Variants in NKIRAS1 observed in about 807,000 individuals in gnomAD.
The protein encoded by NKIRAS1 is NFKB inhibitor interacting Ras like 1.
Under a neutral mutation model 19.8 loss-of-function variants are expected in NKIRAS1, and 16 were observed. That is an observed-to-expected ratio of 0.81 (90% confidence interval 0.55 to 1.23). The LOEUF (loss-of-function observed/expected upper bound fraction) is 1.23, where lower values mean the gene tolerates loss of function less well. Ranked by LOEUF, NKIRAS1 falls within the 50% of genes most tolerant of loss-of-function variation. The pLI is 0.00. For synonymous variants in NKIRAS1, 88 were observed against 79.0 expected, an observed-to-expected ratio of 1.11 and a Z score of -0.61; for missense variants, 184 against 220.0, an observed-to-expected ratio of 0.84 and a Z score of 1.04.
At chr3:23,906,175 A>AC (rs1472827578) in intron 3 of NKIRAS1, among the ~76,000 whole-genome samples, 4 of 151,704 alleles carry the variant, frequency 2.6e-5, no homozygotes, top group African/African-American at 4.8e-5. Flanking sequence ...AAAAAAAAAA[A>AC]AAACCAAAGG....
At chr3:23,917,932 G>A, upstream of NKIRAS1, 1 of 1,613,740 alleles carries the variant, frequency 6.2e-7, no homozygotes, top group Non-Finnish European at 8.5e-7. Flanking sequence ...TCTTCTGAGG[G>A]TCCGCTGCTG....
chr3:23,918,399 C>T (rs1704817223), upstream of NKIRAS1: 2 of 1,602,036 alleles, frequency 1.2e-6, no homozygotes, highest in Admixed American at 3.4e-5. Context: ...AGCCTTACGG[C>T]TTCCTATAAA....
intron 3 of NKIRAS1, among the ~76,000 whole-genome samples, chr3:23,908,139 AG>A (rs966889531): frequency 6.6e-6 from 1 of 152,202 alleles, no homozygotes; most frequent in Non-Finnish European, 1.5e-5. Context: ...TATTAACAAA[AG>A]TGATATGGAA....
At position 23,890,801 on chromosome 3, in the gene NKIRAS1, T is replaced by G; in HGVS notation, c.*2294A>C. 2.2e-6 allele frequency: 1 copy of G among 451,766 alleles called. No homozygotes were observed. The highest frequency in any genetic ancestry group is 3.8e-6 in the Non-Finnish European group (1 of 260,714). 28.0% of individuals were successfully genotyped at this position (451,766 alleles called of 1,614,324 possible). On this transcript the variant is annotated 3_prime_UTR_variant, in exon 5 of 5. Transcript: ENST00000425478. ...AGTAGACAGAATTGGTAATAGCAAC[T>G]TTTAAAATTGTCATTAGTTCTGCAA...
At chr3:23,938,920 C>A (rs1705444106) in intron 1 of NKIRAS1, among the ~76,000 whole-genome samples, 1 of 152,184 alleles carries the variant, frequency 6.6e-6, no homozygotes, top group Non-Finnish European at 1.5e-5. Context: ...TGTGGAGAAG[C>A]CCTGTGACTA....
chr3:23,892,314 T>A lies in NKIRAS1; in HGVS notation c.*781A>T, dbSNP rs991495608. 6.6e-6 allele frequency: 1 copy of A among 152,226 alleles called. No individual in the cohort carries two copies. The highest frequency in any genetic ancestry group is 1.5e-5 in the Non-Finnish European group (1 of 68,038). The allele number at this position is 152,226 out of a possible 1,614,324, so 9.4% of individuals were successfully genotyped here. A position where few individuals can be genotyped will look rare whatever the true frequency, so the allele number is the denominator to read the frequency against. On this transcript the variant is annotated 3_prime_UTR_variant, in exon 5 of 5. Coordinates refer to ENST00000425478, the MANE Select transcript of NKIRAS1 (RefSeq NM_020345.4). ...TTTTGATACTTTTATTGTATATGAC[T>A]AGTTTTCTAGAAAACTATTCCAGAA... is the stretch of plus-strand genomic sequence containing the variant.
upstream of NKIRAS1, chr3:23,918,431 T>G: frequency 6.2e-7 from 1 of 1,611,254 alleles, no homozygotes; most frequent in South Asian, 1.1e-5. Flanking sequence ...CGTGTGTGTT[T>G]GTGTGTAGGT....
chr3:23,914,171 TAAAA>T (rs5847260), intron 1 of NKIRAS1, among the ~76,000 whole-genome samples: 3 of 144,716 alleles, frequency 2.1e-5, no homozygotes, highest in Non-Finnish European at 1.5e-5. Flanking sequence ...AACTTGAGGC[TAAAA>T]AAAAAAAAAA....
chr3:23,936,837 C>T (rs182830656), intron 1 of NKIRAS1, among the ~76,000 whole-genome samples: 204 of 152,324 alleles, frequency 1.3e-3, no homozygotes, highest in African/African-American at 4.7e-3. Flanking sequence ...TGAGCCACTG[C>T]ACTACTGCGC....
chr3:23,944,314 C>T (rs889153702), intron 1 of NKIRAS1, among the ~76,000 whole-genome samples: 1 of 152,102 alleles, frequency 6.6e-6, no homozygotes, highest in Non-Finnish European at 1.5e-5. Context: ...GACATTTTCC[C>T]CACCTTCTAT....
rs1175573504 is a variant in NKIRAS1 at position 23,890,887 on chromosome 3, G to GTAGTC, written c.*2203_*2207dup. On this transcript the variant is annotated 3_prime_UTR_variant, in exon 5 of 5. Coordinates refer to ENST00000425478, the MANE Select transcript of NKIRAS1 (RefSeq NM_020345.4). ...TTTAGACATTTGGGTTCAGTTGCTT[G>GTAGTC]TAGTCTGTAAATTTAAAACAGCTTA... 1 of 250,180 alleles carries GTAGTC rather than the reference G, an allele frequency of 4.0e-6. No homozygotes were observed. Among genetic ancestry groups the GTAGTC allele is most frequent in the African/African-American group, 2.2e-5 (1 of 44,762 alleles). The allele number at this position is 250,180 out of a possible 1,614,324, so 15.5% of individuals were successfully genotyped here. A position where few individuals can be genotyped will look rare whatever the true frequency, so the allele number is the denominator to read the frequency against.
At position 23,910,831 on chromosome 3, in the gene NKIRAS1, A is replaced by G. The variant is rs1703626050; in HGVS notation, c.74T>C (p.Leu25Pro). 3 of 1,613,612 alleles carry G rather than the reference A, an allele frequency of 1.9e-6. No homozygotes were observed. The highest frequency in any genetic ancestry group is 1.7e-5 in the Admixed American group (1 of 60,002). The stretch of plus-strand genomic sequence containing the variant: ...CTTACCAATAGTATGATTTCCATAA[A>G]GGAGCTGCTCCAAAATTGCAGTTTT... ...VGKTAILEQL[L>P]YGNHTIGMED... Residue 25 changes from leucine to proline, a missense_variant, in exon 3 of 5, where the codon CTT becomes CCT. Transcript: ENST00000425478.
intron 1 of NKIRAS1, among the ~76,000 whole-genome samples, chr3:23,933,904 C>A (rs529144611): frequency 1.2e-3 from 189 of 152,282 alleles, no homozygotes; most frequent in African/African-American, 4.4e-3. Context: ...TTGGCTGCTG[C>A]ATTCTCATGT....
rs950928548 is a variant in NKIRAS1, at chr3:23,890,353, T to A, written c.*2742A>T. Among the ~76,000 whole-genome samples the A allele has an allele frequency of 6.6e-6, 1 of 152,214 alleles. No individual in the cohort carries two copies. Among genetic ancestry groups the A allele is most frequent in the Non-Finnish European group, 1.5e-5 (1 of 68,032 alleles). On this transcript the variant is annotated 3_prime_UTR_variant, in exon 5 of 5. Coordinates refer to ENST00000425478, the MANE Select transcript of NKIRAS1 (RefSeq NM_020345.4). ...CCCAACGTTATGTTTTTTTGAAATT[T>A]TGATGGAAAAATATCCAGCATGGTG...
chr3:23,945,496 G>A, intron 1 of NKIRAS1: 2 of 877,144 alleles, frequency 2.3e-6, no homozygotes, highest in African/African-American at 1.9e-5. Flanking sequence ...TCCAGCCCGG[G>A]GCGGCGCGGC....
intron 1 of NKIRAS1, among the ~76,000 whole-genome samples, chr3:23,942,945 G>C (rs76967231): frequency 6.6e-6 from 1 of 151,810 alleles, no homozygotes; most frequent in African/African-American, 2.4e-5. Context: ...ATGGAGTTTC[G>C]CCATATCGCC....
chr3:23,915,523 C>T (rs925023986), intron 1 of NKIRAS1, among the ~76,000 whole-genome samples: 1 of 152,214 alleles, frequency 6.6e-6, no homozygotes. Flanking sequence ...CTCTCTGCTT[C>T]CATTTTTTCT....
intron 4 of NKIRAS1, among the ~76,000 whole-genome samples, 167 bp downstream of exon 4, chr3:23,900,641 C>CAAAAAAAAAAAAA (rs57762803): frequency 8.8e-6 from 1 of 114,054 alleles, no homozygotes; most frequent in Non-Finnish European, 1.8e-5. Context: ...GACTCCGTCT[C>CAAAAAAAAAAAAA]AAAAAAAAAA....
At chr3:23,925,399 C>T (rs530674892) in intron 1 of NKIRAS1, among the ~76,000 whole-genome samples, 42 of 152,146 alleles carry the variant, frequency 2.8e-4, no homozygotes, top group African/African-American at 8.7e-4. Flanking sequence ...ATTGGAAGGC[C>T]GAGGCAGGCG....
Sources: gnomAD v4.1 joint callset for allele counts (sites outside exome capture counted in the v4.1 genomes callset) on GRCh38, gnomAD v4.1.1 for gene constraint, MANE v1.5 for transcripts, NCBI Gene and HGNC (gene_info 2026-07-23, HGNC 2026-07-21) for gene names.